FAM184B: variants seen among roughly 807,000 people sequenced by gnomAD.
The protein encoded by FAM184B is protein FAM184B.
A neutral mutation model predicts 135.9 loss-of-function variants in FAM184B; 111 were observed. The observed-to-expected ratio is 0.82, with a 90% CI of 0.70 to 0.96. The LOEUF is 0.96. FAM184B is among the 40% of genes least tolerant of loss of function. The probability of loss-of-function intolerance (pLI) is 0.00; values close to 1 mark genes in which losing one functional copy is unlikely to be tolerated. For synonymous variants in FAM184B, 552 were observed against 524.8 expected, an observed-to-expected ratio of 1.05 and a Z score of -0.71; for missense variants, 1,375 against 1,323.9, an observed-to-expected ratio of 1.04 and a Z score of -0.60.
chr4:17,694,249 C>T lies in FAM184B; in HGVS notation c.1378-837G>A, dbSNP rs1482994912. 3.3e-5 allele frequency among the ~76,000 whole-genome samples: 5 copies of T among 150,792 alleles called. No individual in the cohort carries two copies. The East Asian group carries it at 6.0e-4, about 18-fold the overall frequency. ...ATATAATTCTCATAGAGGGGCCAGG[C>T]GCGGTGGCTGACGCCTGTAATCCCA... is the stretch of plus-strand genomic sequence containing the variant. On this transcript the variant is annotated intron_variant, in intron 5 of 17. Transcript: ENST00000265018.
chr4:17,647,226 A>T (rs902081143), intron 12 of FAM184B, among the ~76,000 whole-genome samples: 1 of 148,922 alleles, frequency 6.7e-6, no homozygotes, highest in Non-Finnish European at 1.5e-5. Flanking sequence ...GGGGGAGGGG[A>T]ATGACCAAGT....
chr4:17,777,366 G>T (rs939516589), intron 1 of FAM184B, among the ~76,000 whole-genome samples: 3 of 152,066 alleles, frequency 2.0e-5, no homozygotes, highest in African/African-American at 7.2e-5. Context: ...ATTTCTTTGG[G>T]GTGATGAAAA....
chr4:17,757,222 A>G (rs1718443461), intron 1 of FAM184B, among the ~76,000 whole-genome samples: 1 of 152,192 alleles, frequency 6.6e-6, no homozygotes, highest in African/African-American at 2.4e-5. Flanking sequence ...ACTGTTGGAA[A>G]CCCTATAGAT....
intron 1 of FAM184B, among the ~76,000 whole-genome samples, chr4:17,723,990 C>G (rs1047519672): frequency 6.6e-5 from 10 of 152,010 alleles, no homozygotes; most frequent in African/African-American, 2.2e-4. Flanking sequence ...CAATCTTGTT[C>G]CAGGTTTGTT....
intron 7 of FAM184B, 124 bp from the exon 8 acceptor site, chr4:17,664,783 C>T (rs1716006613): frequency 5.5e-6 from 4 of 727,272 alleles, no homozygotes; most frequent in South Asian, 3.9e-5. Context: ...CAGCAACCCA[C>T]TATCGGTGCC....
chr4:17,684,092 T>G (rs1716511747), intron 7 of FAM184B, among the ~76,000 whole-genome samples: 2 of 4,636 alleles, frequency 4.3e-4, no homozygotes, highest in Admixed American at 3.0e-3. Flanking sequence ...TAATAGTAAT[T>G]ACTATTATAT....
chr4:17,632,729 C>T, intron 17 of FAM184B, 104 bp from the exon 18 acceptor site: 1 of 738,858 alleles, frequency 1.4e-6, no homozygotes, highest in Non-Finnish European at 2.2e-6. Context: ...GTTTACTCTT[C>T]AAAAACACCC....
At chr4:17,673,910 T>C (rs1404639074) in intron 7 of FAM184B, among the ~76,000 whole-genome samples, 2 of 151,866 alleles carry the variant, frequency 1.3e-5, no homozygotes, top group Admixed American at 6.6e-5. Flanking sequence ...CAATAACCTA[T>C]GGAAATAAAA....
At chr4:17,680,167 C>T (rs546819585) in intron 7 of FAM184B, among the ~76,000 whole-genome samples, 26 of 152,282 alleles carry the variant, frequency 1.7e-4, no homozygotes, top group African/African-American at 6.0e-4. Context: ...TGTTAATTAG[C>T]TATATTGAGC....
rs1255511685 is a variant in FAM184B at position 17,636,596 on chromosome 4, C to G, written c.2716G>C (p.Asp906His). The G allele has an allele frequency of 7.1e-6, 11 of 1,551,120 alleles. No homozygotes were observed. In the East Asian group the frequency reaches 2.7e-4, roughly 38 times the overall value. Residue 906 changes from aspartate (D) to histidine (H), a missense_variant, in exon 15 of 18, where the codon GAC becomes CAC. Physicochemically the swap from Asp to His is moderately conservative, Grantham distance 81 (BLOSUM62 -1). Transcript: ENST00000265018. ...TGCAGGCGGCCAATGAGCTGAAGGT[C>G]CTCGGGCCTGGACGCTCCCTTCCCT... ...KPGKGASRPE[D>H]LQLIGRLQTR...
Position 17,664,557 on chromosome 4 carries a change from T to C in FAM184B, c.1694+5A>G. Reference sequence around the variant, plus strand: ...GCACTCAGAAGTCTGCATGTCCTCCTGTACCTTTCTTCTTCATCACTGCTG... The same window carrying C: ...GCACTCAGAAGTCTGCATGTCCTCCCGTACCTTTCTTCTTCATCACTGCTG... On this transcript the variant is annotated splice_donor_5th_base_variant and intron_variant, in intron 8 of 17. Transcript: ENST00000265018. 1.3e-6 allele frequency: 2 copies of C among 1,549,406 alleles called. No individual in the cohort carries two copies. Among genetic ancestry groups the C allele is most frequent in the Non-Finnish European group, 1.7e-6 (2 of 1,145,108 alleles).
At chr4:17,659,724 G>A (rs989467930) in intron 9 of FAM184B, among the ~76,000 whole-genome samples, 5 of 152,100 alleles carry the variant, frequency 3.3e-5, no homozygotes, top group Admixed American at 6.6e-5. Flanking sequence ...GACCTCAAGT[G>A]ATCTGCCCCC....
In FAM184B at chr4:17,657,775, G is replaced by C. The variant is rs569796196; in HGVS notation, c.2037+575C>G. On this transcript the variant is annotated intron_variant, in intron 10 of 17. Coordinates refer to ENST00000265018, the MANE Select transcript of FAM184B (RefSeq NM_015688.2). The stretch of plus-strand genomic sequence containing the variant: ...AGGTTCAAGCAATTTTCCTGCCTCA[G>C]CCTCCCAAGTAGCTGGGATTACAGG... Among the ~76,000 whole-genome samples the C allele has an allele frequency of 6.0e-5, 9 of 149,450 alleles. No homozygotes were observed. The South Asian group carries it at 1.9e-3, about 31-fold the overall frequency.
intron 6 of FAM184B, 70 bp from the exon 7 acceptor site, chr4:17,688,601 G>T (rs189816147): frequency 2.5e-6 from 3 of 1,181,690 alleles, no homozygotes; most frequent in African/African-American, 3.1e-5. Context: ...TCATTCATCC[G>T]GGAATCAATT....
intron 1 of FAM184B, among the ~76,000 whole-genome samples, chr4:17,773,803 C>G (rs887544906): frequency 6.6e-6 from 1 of 152,118 alleles, no homozygotes; most frequent in African/African-American, 2.4e-5. Flanking sequence ...TCTTGAACTC[C>G]CGACCTCAGG....
rs1438111484 is a variant in FAM184B at position 17,660,127 on chromosome 4, G to A, written c.1695-40C>T. The A allele has an allele frequency of 2.6e-6, 4 of 1,547,458 alleles. No individual in the cohort carries two copies. In the South Asian group the frequency reaches 4.8e-5, roughly 18 times the overall value. ...ATGCCACAATCACAAAAGATCCTAG[G>A]GCTAGGAATGACACTGCCACTCCGA... On this transcript the variant is annotated intron_variant, in intron 8 of 17. Coordinates refer to ENST00000265018, the MANE Select transcript of FAM184B (RefSeq NM_015688.2).
chr4:17,685,804 G>A (rs1382315130), intron 7 of FAM184B, among the ~76,000 whole-genome samples: 6 of 152,120 alleles, frequency 3.9e-5, no homozygotes, highest in Non-Finnish European at 7.4e-5. Context: ...CACACACCCC[G>A]CCAAAACAAA....
intron 8 of FAM184B, among the ~76,000 whole-genome samples, chr4:17,661,768 G>A (rs773440199): frequency 2.6e-5 from 4 of 152,148 alleles, no homozygotes; most frequent in Non-Finnish European, 5.9e-5. Context: ...GAGCAGCCTC[G>A]GTCAAGAGTG....
In FAM184B at chr4:17,656,471, A is replaced by G. The variant is rs376230876; in HGVS notation, c.2037+1879T>C. On this transcript the variant is annotated intron_variant, in intron 10 of 17. Transcript: ENST00000265018. ...GGCTGGAGAGCAATGGTGTGATCTC[A>G]GCTCACAGCAACCTCTGCCTCCCAG... is the stretch of plus-strand genomic sequence containing the variant. Among the ~76,000 whole-genome samples, 197 of 152,204 alleles carry G rather than the reference A, an allele frequency of 1.3e-3. 2 individuals carry two copies. Among genetic ancestry groups the G allele is most frequent in the African/African-American group, 4.4e-3 (182 of 41,536 alleles).
Sources: allele counts gnomAD v4.1 joint callset (sites outside exome capture counted in the v4.1 genomes callset), GRCh38; gene constraint gnomAD v4.1.1; transcripts MANE v1.5; gene names NCBI Gene and HGNC (gene_info 2026-07-23, HGNC 2026-07-21).